The following HIVEP3 variants were observed in gnomAD, a reference collection of about 807,000 sequenced individuals.
HIVEP3 encodes the protein transcription factor HIVEP3.
A neutral mutation model predicts 152.8 loss-of-function variants in HIVEP3; 49 were observed. The observed-to-expected ratio is 0.32, with a 90% CI of 0.26 to 0.41. The LOEUF (loss-of-function observed/expected upper bound fraction) is 0.41. Among genes scored for constraint, HIVEP3 ranks in the 10% least tolerant of loss-of-function variants. HIVEP3 has a pLI of 1.00. For synonymous variants in HIVEP3, 1,269 were observed against 1,289.0 expected, an observed-to-expected ratio of 0.98 and a Z score of 0.33; for missense variants, 2,790 against 3,103.3, an observed-to-expected ratio of 0.90 and a Z score of 2.40.
chr1:41,635,534 ACGTATATGTATG>A, intron 2 of HIVEP3, among the ~76,000 whole-genome samples: 2 of 43,514 alleles, frequency 4.6e-5, no homozygotes, highest in African/African-American at 1.6e-4. Context: ...ACATATATGC[ACGTATATGTATG>A]TATATATACA....
At chr1:41,587,532 G>A (rs1401580029) in intron 3 of HIVEP3, among the ~76,000 whole-genome samples, 1 of 152,164 alleles carries the variant, frequency 6.6e-6, no homozygotes, top group African/African-American at 2.4e-5. Flanking sequence ...GGACAAAATG[G>A]TTACCCTTAC....
intron 1 of HIVEP3, among the ~76,000 whole-genome samples, chr1:41,714,006 C>T (rs942104673): frequency 5.9e-5 from 9 of 152,214 alleles, no homozygotes; most frequent in African/African-American, 2.2e-4. Flanking sequence ...CTCATGGCTT[C>T]AGAACCTGCC....
At chr1:41,748,633 C>T (rs1467023960) in intron 1 of HIVEP3, among the ~76,000 whole-genome samples, 2 of 152,240 alleles carry the variant, frequency 1.3e-5, no homozygotes, top group Non-Finnish European at 2.9e-5. Context: ...AATCTTCATG[C>T]TAGCTCTATG....
intron 1 of HIVEP3, among the ~76,000 whole-genome samples, chr1:41,728,032 T>A (rs1342289279): frequency 6.6e-6 from 1 of 152,168 alleles, no homozygotes; most frequent in Non-Finnish European, 1.5e-5. Context: ...ATCCACCATC[T>A]TATTGTTGAA....
At chr1:41,927,088 G>T (rs981464709) in intron 1 of HIVEP3, among the ~76,000 whole-genome samples, 1 of 152,214 alleles carries the variant, frequency 6.6e-6, no homozygotes, top group Non-Finnish European at 1.5e-5. Flanking sequence ...TCTGATGTTG[G>T]TAAGAATTCC....
chr1:42,029,073 T>A (rs921157226), intron 1 of HIVEP3, among the ~76,000 whole-genome samples: 1 of 152,184 alleles, frequency 6.6e-6, no homozygotes, highest in Non-Finnish European at 1.5e-5. Flanking sequence ...AGAATATACA[T>A]CCATTGAGCA....
Position 41,512,887 on chromosome 1 carries a change from C to T in HIVEP3, c.6334G>A (p.Val2112Ile), listed in dbSNP as rs1642475565. Residue 2112 changes from valine to isoleucine, a missense_variant, in exon 8 of 9, where the codon GTT (valine) becomes ATT (isoleucine). Physicochemically the swap from Val to Ile is conservative, Grantham distance 29. Transcript: ENST00000372583. ...HGPGLGLDPR[V>I]LFPPAPLPHK... ...GGTAGAGGCGCGGGCGGGAAGAGAA[C>T]CCGTGGGTCCAGCCCCAAGCCTGGG... 1.3e-6 allele frequency: 2 copies of T among 1,566,788 alleles called. No homozygotes were observed. Among genetic ancestry groups the T allele is most frequent in the South Asian group, 1.2e-5 (1 of 86,336 alleles).
intron 5 of HIVEP3, among the ~76,000 whole-genome samples, chr1:41,528,000 A>T (rs1247950039): frequency 3.7e-5 from 5 of 135,030 alleles, no homozygotes; most frequent in Non-Finnish European, 7.8e-5. Flanking sequence ...TCCCGCACTC[A>T]CACTCCACAC....
chr1:41,573,234 A>C (rs1644277312), intron 5 of HIVEP3, among the ~76,000 whole-genome samples: 1 of 152,122 alleles, frequency 6.6e-6, no homozygotes, highest in Non-Finnish European at 1.5e-5. Context: ...GGGTGTGGGC[A>C]CTCTTGGCAA....
intron 1 of HIVEP3, among the ~76,000 whole-genome samples, chr1:41,997,482 A>G (rs1645402763): frequency 6.6e-6 from 1 of 152,260 alleles, no homozygotes; most frequent in African/African-American, 2.4e-5. Flanking sequence ...AAATAGTATC[A>G]CATACAAAAT....
At chr1:41,777,769 C>A (rs543342396) in intron 1 of HIVEP3, among the ~76,000 whole-genome samples, 1 of 152,230 alleles carries the variant, frequency 6.6e-6, no homozygotes, top group Non-Finnish European at 1.5e-5. Flanking sequence ...TAGTATCAGG[C>A]GCTTTCCTAC....
chr1:41,884,825 G>A (rs1644318811), intron 1 of HIVEP3, among the ~76,000 whole-genome samples: 1 of 138,684 alleles, frequency 7.2e-6, no homozygotes, highest in South Asian at 2.5e-4. Flanking sequence ...ACTTGGCAGA[G>A]GGCAGCAGCC....
intron 2 of HIVEP3, among the ~76,000 whole-genome samples, chr1:41,641,021 A>G (rs1434997047): frequency 1.3e-5 from 2 of 152,214 alleles, no homozygotes; most frequent in African/African-American, 4.8e-5. Flanking sequence ...GGTAAGAACA[A>G]AATGGTACGG....
chr1:42,013,998 A>T (rs533757870), intron 1 of HIVEP3, among the ~76,000 whole-genome samples: 4 of 152,216 alleles, frequency 2.6e-5, no homozygotes, highest in Admixed American at 1.3e-4. Context: ...AGATGCACCC[A>T]GTCTGTCCTA....
At chr1:41,803,628 A>G (rs1478851650) in intron 1 of HIVEP3, among the ~76,000 whole-genome samples, 1 of 152,190 alleles carries the variant, frequency 6.6e-6, no homozygotes, top group Non-Finnish European at 1.5e-5. Context: ...CAAGAGCCAC[A>G]CTGACAATAG....
chr1:41,534,721 T>C (rs1192939562), intron 5 of HIVEP3, among the ~76,000 whole-genome samples: 1 of 152,212 alleles, frequency 6.6e-6, no homozygotes, highest in Non-Finnish European at 1.5e-5. Flanking sequence ...GGGCCTGTGA[T>C]CCTCAGATTC....
rs546287969 is a variant in HIVEP3, at chr1:41,653,550, A to T, written c.-720-24603T>A. Reference sequence around the variant, plus strand: ...AAGCTGGACTTCTTTATTTCATAAGATCAGAGCTTGCTTAAAATAAAGAGC... The same window carrying T: ...AAGCTGGACTTCTTTATTTCATAAGTTCAGAGCTTGCTTAAAATAAAGAGC... On this transcript the variant is annotated intron_variant, in intron 2 of 8. Coordinates refer to ENST00000372583, the MANE Select transcript of HIVEP3 (RefSeq NM_024503.5). Among the ~76,000 whole-genome samples, 12 of 152,304 alleles carry T rather than the reference A, an allele frequency of 7.9e-5. No homozygotes were observed. The East Asian group carries it at 2.3e-3, about 29-fold the overall frequency.
upstream of HIVEP3, among the ~76,000 whole-genome samples, chr1:41,920,170 T>A (rs1375717087): frequency 6.6e-6 from 1 of 152,204 alleles, no homozygotes; most frequent in African/African-American, 2.4e-5. Flanking sequence ...AATTATCATA[T>A]TTCATGTGTC....
At chr1:41,665,025 C>T (rs879907577) in intron 2 of HIVEP3, among the ~76,000 whole-genome samples, 5 of 152,230 alleles carry the variant, frequency 3.3e-5, no homozygotes, top group Non-Finnish European at 7.3e-5. Flanking sequence ...GGTAGTCATT[C>T]CCCAGGCCAG....
Sources: gnomAD v4.1 joint callset for allele counts (sites outside exome capture counted in the v4.1 genomes callset) on GRCh38, gnomAD v4.1.1 for gene constraint, MANE v1.5 for transcripts, NCBI Gene and HGNC (gene_info 2026-07-23, HGNC 2026-07-21) for gene names.